The following MMP28 variants were observed in gnomAD, a reference collection of about 807,000 sequenced individuals.
MMP28 encodes the protein matrix metallopeptidase 28.
Under a neutral mutation model 60.5 loss-of-function variants are expected in MMP28, and 55 were observed. That is an observed-to-expected ratio of 0.91 (90% CI 0.73 to 1.14). The LOEUF (loss-of-function observed/expected upper bound fraction) is 1.14. MMP28 is among the 50% of genes most tolerant of loss of function. MMP28 has a pLI of 0.00. For missense variants in MMP28, 686 were observed against 738.3 expected (o/e 0.93, Z 0.82); for synonymous variants, 318 against 312.5 (o/e 1.02, Z -0.18).
At chr17:35,763,986 T>A, downstream of MMP28, 6 of 1,524,722 alleles carry the variant, frequency 3.9e-6, no homozygotes, top group Non-Finnish European at 5.3e-6. Flanking sequence ...AGGACTGCCC[T>A]GACCTCCTCC....
intron 1 of MMP28, among the ~76,000 whole-genome samples, chr17:35,791,853 C>G (rs1352800722): frequency 6.6e-6 from 1 of 152,152 alleles, no homozygotes; most frequent in Admixed American, 6.5e-5. Flanking sequence ...GCACAGTCCC[C>G]AGGGAAGGAC....
intron 1 of MMP28, among the ~76,000 whole-genome samples, chr17:35,792,726 AC>A (rs940964150): frequency 6.6e-6 from 1 of 152,214 alleles, no homozygotes; most frequent in African/African-American, 2.4e-5. Flanking sequence ...TAGTCTTCAA[AC>A]CCAGACTTTA....
intron 1 of MMP28, among the ~76,000 whole-genome samples, chr17:35,789,786 A>G (rs746875250): frequency 7.9e-4 from 118 of 150,002 alleles, no homozygotes; most frequent in Non-Finnish European, 1.4e-3. Context: ...TTTTTTTAAG[A>G]CGGAGTCTCG....
chr17:35,776,441 G>T (rs559329719), intron 3 of MMP28, among the ~76,000 whole-genome samples: 1 of 152,120 alleles, frequency 6.6e-6, no homozygotes, highest in East Asian at 1.9e-4. Context: ...CTCCCAAATC[G>T]CTGGGATTAA....
downstream of MMP28, among the ~76,000 whole-genome samples, chr17:35,762,326 C>T (rs929747674): frequency 4.6e-5 from 7 of 152,276 alleles, no homozygotes; most frequent in Middle Eastern, 3.4e-3. Context: ...GCAAACTCCA[C>T]GAGTTGTGTC....
At position 35,768,364 on chromosome 17, in the gene MMP28, C is replaced by A. The variant is rs759609205; in HGVS notation, c.866G>T (p.Gly289Val). ...VQSLYGKPLG[G>V]SVAVQLPGKL... ...TCCTGGGAGCTGGACGGCCACTGAG[C>A]CCCCTAGGGGCTTCCCTTTGTGAGT... Residue 289 changes from glycine to valine, a missense_variant, in exon 6 of 8, where the codon GGC (glycine) becomes GTC (valine). Physicochemically the swap from Gly to Val is moderately radical, Grantham distance 109 (BLOSUM62 -3). Coordinates refer to ENST00000605424, the MANE Select transcript of MMP28 (RefSeq NM_024302.5). 6.2e-7 allele frequency: 1 copy of A among 1,610,134 alleles called. No individual in the cohort carries two copies. The highest frequency in any genetic ancestry group is 1.7e-5 in the Admixed American group (1 of 59,418).
rs1010658740 is a variant in MMP28, at chr17:35,773,424, C to A, written c.380-20G>T. On this transcript the variant is annotated intron_variant, in intron 3 of 7. Transcript: ENST00000605424. ...TGTTACCTGCCACCCAGAAAGCCCACGTCAGTCACACCTGCTGCAGAGCCC... is the reference window on the plus strand; with the variant it reads ...TGTTACCTGCCACCCAGAAAGCCCAAGTCAGTCACACCTGCTGCAGAGCCC... The A allele has an allele frequency of 6.4e-7, 1 of 1,562,006 alleles. No individual in the cohort carries two copies. The highest frequency in any genetic ancestry group is 2.4e-5 in the East Asian group (1 of 41,918).
chr17:35,786,493 AT>A (rs1555610515), intron 1 of MMP28, among the ~76,000 whole-genome samples: 1 of 152,084 alleles, frequency 6.6e-6, no homozygotes, highest in Non-Finnish European at 1.5e-5. Context: ...GTTACATTTT[AT>A]TATTATTTTA....
rs1555606447 is a variant in MMP28 at position 35,773,291 on chromosome 17, C to T, written c.493G>A (p.Val165Ile). The T allele has an allele frequency of 1.9e-6, 3 of 1,613,834 alleles. No homozygotes were observed. Among genetic ancestry groups the T allele is most frequent in the Non-Finnish European group, 2.5e-6 (3 of 1,179,866 alleles). The change falls in exon 4 of 8, where the codon GTC (valine) becomes ATC (isoleucine). Residue 165 changes from valine to isoleucine, a missense_variant. By Grantham distance (29) the Val-to-Ile change is conservative. Coordinates refer to ENST00000605424, the MANE Select transcript of MMP28 (RefSeq NM_024302.5). ...VRAAFQLWSNVSALEFWEAPA... is the reference protein window; with the variant it reads ...VRAAFQLWSNISALEFWEAPA... ...GCCTCCCAGAACTCCAGCGCTGAGACGTTGCTCCACAACTGGAAGGCGGCG... is the reference window on the plus strand; with the variant it reads ...GCCTCCCAGAACTCCAGCGCTGAGATGTTGCTCCACAACTGGAAGGCGGCG...
chr17:35,779,381 C>G, intron 1 of MMP28, 58 bp from the exon 2 acceptor site: 1 of 1,442,914 alleles, frequency 6.9e-7, no homozygotes. Flanking sequence ...CCCTTGGTCC[C>G]CAAGGGCCCA....
At chr17:35,762,716 C>T (rs2085845062), downstream of MMP28, among the ~76,000 whole-genome samples, 1 of 152,082 alleles carries the variant, frequency 6.6e-6, no homozygotes, top group Non-Finnish European at 1.5e-5. Context: ...TGCTGTAAGC[C>T]CACCCGCCTG....
At chr17:35,763,108 C>T (rs1263442210), downstream of MMP28, among the ~76,000 whole-genome samples, 3 of 141,420 alleles carry the variant, frequency 2.1e-5, no homozygotes, top group Non-Finnish European at 4.5e-5. Flanking sequence ...GGCGACAGAG[C>T]GAGACTCCGT....
In MMP28 at chr17:35,768,399, A is replaced by T. The variant is rs2086013331; in HGVS notation, c.851-20T>A. The stretch of plus-strand genomic sequence containing the variant: ...GCTTCCCTTTGTGAGTAAGGAAATA[A>T]GAGAGAGAGAGAACACACATAGGGT... On this transcript the variant is annotated intron_variant, in intron 5 of 7. Coordinates refer to ENST00000605424, the MANE Select transcript of MMP28 (RefSeq NM_024302.5). 4.0e-6 allele frequency: 6 copies of T among 1,498,926 alleles called. No homozygotes were observed. The highest frequency in any genetic ancestry group is 5.4e-6 in the Non-Finnish European group (6 of 1,106,300). The allele number at this position is 1,498,926 out of a possible 1,614,324, so 92.9% of individuals were successfully genotyped here.
intron 1 of MMP28, among the ~76,000 whole-genome samples, chr17:35,786,077 C>T (rs77310303): frequency 0.18 from 26,515 of 147,118 alleles, 4,198 homozygotes; most frequent in African/African-American, 0.43. Context: ...TTTTTTGACA[C>T]GGAGTTTCGC....
chr17:35,760,830 C>A, intron 2 of MMP28: 2 of 1,310,662 alleles, frequency 1.5e-6, no homozygotes, highest in Non-Finnish European at 2.2e-6. Flanking sequence ...TCTAGCCCCA[C>A]CCCTTGTGAC....
At chr17:35,764,281 C>G (rs922001775), downstream of MMP28, 2 of 1,533,596 alleles carry the variant, frequency 1.3e-6, no homozygotes, top group South Asian at 2.4e-5. Context: ...GGGGCTGGCT[C>G]GGCCCCTTAG....
At chr17:35,775,125 ACT>A (rs778057214) in intron 3 of MMP28, among the ~76,000 whole-genome samples, 1 of 152,110 alleles carries the variant, frequency 6.6e-6, no homozygotes, top group Non-Finnish European at 1.5e-5. Context: ...CCTGTAGGAA[ACT>A]CTGAGTATGT....
At chr17:35,786,060 T>TTG (rs1211921330) in intron 1 of MMP28, among the ~76,000 whole-genome samples, 8 of 148,308 alleles carry the variant, frequency 5.4e-5, no homozygotes, top group South Asian at 2.3e-4. Context: ...CTTCTTGTTT[T>TTG]TTTTTTTTTT....
Position 35,768,464 on chromosome 17 carries a change from T to C in MMP28, c.851-85A>G, listed in dbSNP as rs2086015796. On this transcript the variant is annotated intron_variant, in intron 5 of 7. Coordinates refer to ENST00000605424, the MANE Select transcript of MMP28 (RefSeq NM_024302.5). ...GCACTCAAGACCTTCCCTTGGTTAC[T>C]TTCATGATTATCTAATATGAGGGGC... 3.5e-6 allele frequency: 4 copies of C among 1,137,560 alleles called. No individual in the cohort carries two copies. In the South Asian group the frequency reaches 5.5e-5, roughly 16 times the overall value. 70.5% of individuals were successfully genotyped at this position (1,137,560 alleles called of 1,614,324 possible).
Sources: gnomAD v4.1 joint callset for allele counts (sites outside exome capture counted in the v4.1 genomes callset) on GRCh38, gnomAD v4.1.1 for gene constraint, MANE v1.5 for transcripts, NCBI Gene and HGNC (gene_info 2026-07-23, HGNC 2026-07-21) for gene names.